Variants in SSUH2 observed in about 807,000 individuals in gnomAD.
SSUH2 encodes ssu-2 homolog.
SSUH2 carries 47 observed loss-of-function variants against 55.3 expected under a neutral mutation model. The ratio of observed to expected loss-of-function variants is 0.85; its 90% CI spans 0.67 to 1.08. The LOEUF is 1.08. Ranked by LOEUF, SSUH2 falls within the 50% of genes least tolerant of loss-of-function variation. The pLI is 0.00. For synonymous variants in SSUH2, 212 were observed against 191.5 expected, an observed-to-expected ratio of 1.11 and a Z score of -0.89; for missense variants, 535 against 490.7, an observed-to-expected ratio of 1.09 and a Z score of -0.85.
In SSUH2 at chr3:8,644,681, C is replaced by A. The variant is rs1240365965; in HGVS notation, c.28+50G>T. 4 of 1,510,748 alleles carry A rather than the reference C, an allele frequency of 2.6e-6. No individual in the cohort carries two copies. The African/African-American group carries it at 5.5e-5, about 21-fold the overall frequency. The allele number at this position is 1,510,748 out of a possible 1,614,324, so 93.6% of individuals were successfully genotyped here. A position where few individuals can be genotyped will look rare whatever the true frequency, so the allele number is the denominator to read the frequency against. On this transcript the variant is annotated intron_variant, in intron 1 of 11. Transcript: ENST00000544814. ...AGATTAGGTCCTCTTCAAATGCAGGCTAAAATATCTCCACACAGTCTTCCG... is the reference window on the plus strand; with the variant it reads ...AGATTAGGTCCTCTTCAAATGCAGGATAAAATATCTCCACACAGTCTTCCG...
chr3:8,652,485 GT>G (rs1306207352), intron 7 of SSUH2, among the ~76,000 whole-genome samples: 2 of 152,150 alleles, frequency 1.3e-5, no homozygotes, highest in East Asian at 3.9e-4. Flanking sequence ...GCTGCTCAGA[GT>G]CCCCCTCCCA....
At chr3:8,657,849 C>G (rs111866108) in intron 7 of SSUH2, among the ~76,000 whole-genome samples, 4,486 of 152,364 alleles carry the variant, frequency 0.029, 93 homozygotes, top group Admixed American at 0.052. Context: ...CACCCTCGCT[C>G]TCCAGTATGT....
intron 7 of SSUH2, among the ~76,000 whole-genome samples, chr3:8,628,283 C>T (rs1057350651): frequency 1.3e-5 from 2 of 152,150 alleles, no homozygotes; most frequent in African/African-American, 4.8e-5. Context: ...GATGAAAGGG[C>T]TGGTGGAGAA....
chr3:8,644,768 G>A lies in SSUH2; in HGVS notation c.-10C>T, dbSNP rs749898041. 3.3e-5 allele frequency: 51 copies of A among 1,535,782 alleles called. No homozygotes were observed. In the South Asian group the frequency reaches 4.4e-4, roughly 13 times the overall value. On this transcript the variant is annotated 5_prime_UTR_variant, in exon 1 of 12. The change creates a new upstream start codon in the 5' untranslated region. Transcript: ENST00000544814. Reference sequence around the variant, plus strand: ...TCAGATCCCTGTCCATGTTCCAGACGTCCTGCCAAAGAGATGTCTGCCCTT... The same window carrying A: ...TCAGATCCCTGTCCATGTTCCAGACATCCTGCCAAAGAGATGTCTGCCCTT...
intron 7 of SSUH2, among the ~76,000 whole-genome samples, chr3:8,657,232 C>T (rs746600474): frequency 2.0e-5 from 3 of 152,192 alleles, no homozygotes; most frequent in Non-Finnish European, 4.4e-5. Context: ...TCCTGATTGA[C>T]TCTAGACTTC....
intron 11 of SSUH2, among the ~76,000 whole-genome samples, chr3:8,620,819 T>G (rs1696281581): frequency 1.3e-5 from 2 of 152,180 alleles, no homozygotes; most frequent in South Asian, 4.1e-4. Flanking sequence ...TTTCTAACAT[T>G]TGAATCAAAT....
intron 6 of SSUH2, among the ~76,000 whole-genome samples, chr3:8,660,350 TC>T (rs1182729300): frequency 6.6e-6 from 1 of 152,180 alleles, no homozygotes; most frequent in African/African-American, 2.4e-5. Flanking sequence ...CTGACCTCAC[TC>T]GCCTCTCATC....
At chr3:8,669,748 T>C (rs914029666) in intron 5 of SSUH2, among the ~76,000 whole-genome samples, 2 of 152,146 alleles carry the variant, frequency 1.3e-5, no homozygotes, top group African/African-American at 4.8e-5. Flanking sequence ...TATCAAAGCA[T>C]GAGAAAACAT....
At chr3:8,679,137 G>T (rs1468666041) in intron 2 of SSUH2, among the ~76,000 whole-genome samples, 1 of 90,820 alleles carries the variant, frequency 1.1e-5, no homozygotes, top group Non-Finnish European at 2.5e-5. Context: ...CGGGGGGGAG[G>T]CACCCCCGCG....
At chr3:8,623,413 C>T in intron 11 of SSUH2, 136 bp downstream of exon 11, 1 of 656,328 alleles carries the variant, frequency 1.5e-6, no homozygotes, top group Non-Finnish European at 2.8e-6. Flanking sequence ...TCAGGCCCTA[C>T]CCCTTCCCAC....
Position 8,668,500 on chromosome 3 carries a change from T to C in SSUH2, c.-455+2498A>G, listed in dbSNP as rs953371175. Among the ~76,000 whole-genome samples the C allele has an allele frequency of 2.6e-5, 4 of 152,226 alleles. No individual in the cohort carries two copies. The South Asian group carries it at 8.3e-4, about 32-fold the overall frequency. The stretch of plus-strand genomic sequence containing the variant: ...AGACATCCATTATTTCTCTTTTTTT[T>C]CCTCATTAATCTCATTACTTCAAAG... On this transcript the variant is annotated intron_variant, in intron 5 of 18. Transcript: ENST00000317371.
At chr3:8,670,395 C>T (rs1007317481) in intron 5 of SSUH2, among the ~76,000 whole-genome samples, 4 of 152,016 alleles carry the variant, frequency 2.6e-5, no homozygotes, top group Admixed American at 1.3e-4. Flanking sequence ...ACATGATGTA[C>T]ACCACCTGTG....
upstream of SSUH2, among the ~76,000 whole-genome samples, chr3:8,647,494 T>C (rs1355598962): frequency 6.6e-6 from 1 of 152,202 alleles, no homozygotes; most frequent in African/African-American, 2.4e-5. Flanking sequence ...AAAGTGGACA[T>C]GGCAGCACTG....
intron 2 of SSUH2, among the ~76,000 whole-genome samples, chr3:8,679,178 C>CT (rs1172889451): frequency 0.021 from 209 of 9,838 alleles, 68 homozygotes; most frequent in Non-Finnish European, 0.04. Context: ...CCGCTGTTCC[C>CT]CCACACTGGC....
intron 4 of SSUH2, among the ~76,000 whole-genome samples, chr3:8,671,655 C>T (rs1408352354): frequency 6.6e-6 from 1 of 152,086 alleles, no homozygotes; most frequent in Admixed American, 6.5e-5. Flanking sequence ...CATTCCCCTA[C>T]AATATTACGA....
chr3:8,669,513 C>A (rs1403715714), intron 5 of SSUH2, among the ~76,000 whole-genome samples: 1 of 152,012 alleles, frequency 6.6e-6, no homozygotes, highest in Non-Finnish European at 1.5e-5. Flanking sequence ...ATATAGGATA[C>A]TAAGAAGAAA....
At position 8,639,926 on chromosome 3, in the gene SSUH2, G is replaced by A. The variant is rs571573000; in HGVS notation, c.29-4069C>T. The A allele has an allele frequency of 1.4e-5, 14 of 978,692 alleles. No individual in the cohort carries two copies. The South Asian group carries it at 1.9e-4, about 13-fold the overall frequency. The allele number at this position is 978,692 out of a possible 1,614,324, so 60.6% of individuals were successfully genotyped here. On this transcript the variant is annotated intron_variant, in intron 1 of 11. Transcript: ENST00000544814. Reference sequence around the variant, plus strand: ...GGGAATCCAACAGGCACACGTAAGTGTTAGGGGAACAGCAAACCTACCACG... The same window carrying A: ...GGGAATCCAACAGGCACACGTAAGTATTAGGGGAACAGCAAACCTACCACG...
At chr3:8,665,866 C>T (rs1703944852) in intron 5 of SSUH2, among the ~76,000 whole-genome samples, 1 of 152,128 alleles carries the variant, frequency 6.6e-6, no homozygotes, top group Non-Finnish European at 1.5e-5. Flanking sequence ...GCCATTAGAA[C>T]ACAATGAAGA....
At chr3:8,653,047 A>G (rs1421002919) in intron 7 of SSUH2, among the ~76,000 whole-genome samples, 1 of 152,208 alleles carries the variant, frequency 6.6e-6, no homozygotes, top group Non-Finnish European at 1.5e-5. Flanking sequence ...ATCCACTTGG[A>G]GAAAGAGAAT....
Sources: allele counts gnomAD v4.1 joint callset (sites outside exome capture counted in the v4.1 genomes callset), GRCh38; gene constraint gnomAD v4.1.1; transcripts MANE v1.5; gene names NCBI Gene and HGNC (gene_info 2026-07-23, HGNC 2026-07-21).